The following CCDC38 variants were observed in gnomAD, a reference collection of about 807,000 sequenced individuals.
CCDC38 encodes coiled-coil domain containing 38.
A neutral mutation model predicts 72.8 loss-of-function variants in CCDC38; 69 were observed. The ratio of observed to expected loss-of-function variants is 0.95; its 90% confidence interval spans 0.78 to 1.16. The LOEUF (loss-of-function observed/expected upper bound fraction) is 1.16. Among genes scored for constraint, CCDC38 ranks in the 50% most tolerant of loss-of-function variants. The pLI is 0.00. For missense variants in CCDC38, 626 were observed against 638.9 expected (o/e 0.98, Z 0.22); for synonymous variants, 201 against 213.2 (o/e 0.94, Z 0.50).
At chr12:95,898,759 A>G in intron 5 of CCDC38, 28 bp from the exon 6 acceptor site, 1 of 1,599,808 alleles carries the variant, frequency 6.3e-7, no homozygotes, top group Non-Finnish European at 8.5e-7. Flanking sequence ...AGAGGTGTAA[A>G]AACATGATTC....
At chr12:95,878,177 A>G in intron 13 of CCDC38, 34 bp downstream of exon 13, 1 of 1,608,494 alleles carries the variant, frequency 6.2e-7, no homozygotes, top group Non-Finnish European at 8.5e-7. Flanking sequence ...ATCATGAGCC[A>G]AAATGAAATC....
At chr12:95,887,275 G>A (rs2079770541) in intron 10 of CCDC38, among the ~76,000 whole-genome samples, 2 of 151,936 alleles carry the variant, frequency 1.3e-5, no homozygotes, top group South Asian at 4.1e-4. Flanking sequence ...CCAGAGAAGT[G>A]AAAATTATGT....
intron 10 of CCDC38, among the ~76,000 whole-genome samples, chr12:95,885,974 C>A (rs1346921784): frequency 1.3e-5 from 2 of 152,104 alleles, no homozygotes; most frequent in African/African-American, 4.8e-5. Context: ...GATATTTACA[C>A]CTTTTAATGA....
intron 13 of CCDC38, among the ~76,000 whole-genome samples, chr12:95,875,959 G>T (rs981029975): frequency 6.6e-6 from 1 of 152,140 alleles, no homozygotes; most frequent in Admixed American, 6.5e-5. Context: ...GCAGGGAGGA[G>T]GGGAGATATC....
chr12:95,886,653 A>G (rs941379101), intron 10 of CCDC38, among the ~76,000 whole-genome samples: 1 of 152,224 alleles, frequency 6.6e-6, no homozygotes, highest in African/African-American at 2.4e-5. Flanking sequence ...AGTGAGCAAA[A>G]GACATGAATA....
chr12:95,908,138 C>G (rs561013043), intron 4 of CCDC38, among the ~76,000 whole-genome samples: 7,058 of 151,824 alleles, frequency 0.046, 238 homozygotes, highest in Admixed American at 0.074. Flanking sequence ...TGTAGGGAGC[C>G]GAGATCACGC....
chr12:95,908,452 A>G (rs1272035255), intron 4 of CCDC38, among the ~76,000 whole-genome samples: 7 of 218 alleles, frequency 0.032, no homozygotes, highest in Non-Finnish European at 0.042. Context: ...AAAGAGGGAG[A>G]GGGAGAGGGA....
chr12:95,933,224 A>C (rs1264791440), intron 2 of CCDC38: 2 of 152,216 alleles, frequency 1.3e-5, no homozygotes, highest in Non-Finnish European at 2.9e-5. Flanking sequence ...GACTTTGTTC[A>C]TCAAAAGACG....
intron 4 of CCDC38, among the ~76,000 whole-genome samples, chr12:95,910,597 C>T (rs184985206): frequency 3.0e-4 from 46 of 152,338 alleles, no homozygotes; most frequent in East Asian, 9.6e-4. Context: ...CATGGTGGCT[C>T]ATGCCTGTAA....
At chr12:95,923,733 C>T (rs1284914243) in intron 2 of CCDC38, among the ~76,000 whole-genome samples, 1 of 151,824 alleles carries the variant, frequency 6.6e-6, no homozygotes, top group Non-Finnish European at 1.5e-5. Context: ...TGATGTTCCC[C>T]TTCCTGTGTC....
At chr12:95,898,251 T>C in intron 7 of CCDC38, 134 bp downstream of exon 7, 1 of 874,458 alleles carries the variant, frequency 1.1e-6, no homozygotes, top group Non-Finnish European at 1.9e-6. Flanking sequence ...AGGTTACTTA[T>C]TTTTTAAAAT....
At position 95,898,462 on chromosome 12, in the gene CCDC38, T is replaced by C; in HGVS notation, c.537A>G (p.Ala179=). 6.2e-7 allele frequency: 1 copy of C among 1,614,162 alleles called. No individual in the cohort carries two copies. Among genetic ancestry groups the C allele is most frequent in the Non-Finnish European group, 8.5e-7 (1 of 1,180,020 alleles). The change falls in exon 7 of 16, where the codon GCA becomes GCG. Residue 179 remains alanine, a synonymous_variant. Transcript: ENST00000344280. ...GGAGTTTGTTTATTGTTTCCTGTGCTGCCCTGAAAAGCAATGAAGATCTGT... is the reference window on the plus strand; with the variant it reads ...GGAGTTTGTTTATTGTTTCCTGTGCCGCCCTGAAAAGCAATGAAGATCTGT... ...DQRSVDALKM[A]AQETINKLQM... is the part of the protein sequence containing the mutation.
intron 7 of CCDC38, among the ~76,000 whole-genome samples, chr12:95,896,941 T>C (rs552261048): frequency 9.8e-5 from 15 of 152,368 alleles, no homozygotes; most frequent in Non-Finnish European, 1.3e-4. Context: ...GCTGCTACTC[T>C]AGCTCTAGAA....
intron 1 of CCDC38, 130 bp from the exon 2 acceptor site, chr12:95,936,653 T>C: frequency 1.7e-6 from 1 of 587,004 alleles, no homozygotes; most frequent in Non-Finnish European, 2.9e-6. Context: ...CACATACTCT[T>C]TGACCCAGCA....
intron 4 of CCDC38, among the ~76,000 whole-genome samples, chr12:95,907,572 G>T (rs2080023008): frequency 7.4e-6 from 1 of 135,692 alleles, no homozygotes. Flanking sequence ...GGCTGGCCAG[G>T]CGGGGGACTG....
At chr12:95,927,027 G>C (rs1202253496) in intron 2 of CCDC38, among the ~76,000 whole-genome samples, 1 of 152,096 alleles carries the variant, frequency 6.6e-6, no homozygotes, top group Admixed American at 6.6e-5. Context: ...TGTTGATTTG[G>C]GATGGAGAGT....
chr12:95,917,163 C>T lies in CCDC38; in HGVS notation c.270G>A (p.Gly90=), dbSNP rs573196162. ...ATCTAGGAATCGGAGCAGGACCTGGCCCAAACTTTTCAAATGACCTACCAC... is the reference window on the plus strand; with the variant it reads ...ATCTAGGAATCGGAGCAGGACCTGGTCCAAACTTTTCAAATGACCTACCAC... ...KRSGRSFEKF[G]PGPAPIPRLI... Residue 90 remains glycine, a synonymous_variant, in exon 4 of 16, where the codon GGG becomes GGA. Coordinates refer to ENST00000344280, the MANE Select transcript of CCDC38 (RefSeq NM_182496.3). 53 of 1,601,468 alleles carry T rather than the reference C, an allele frequency of 3.3e-5. No individual in the cohort carries two copies. In the East Asian group the frequency reaches 1.1e-3, roughly 32 times the overall value.
chr12:95,892,463 T>C (rs1156717777), intron 8 of CCDC38, among the ~76,000 whole-genome samples: 2 of 151,684 alleles, frequency 1.3e-5, no homozygotes, highest in African/African-American at 2.4e-5. Context: ...TTTAAATTTT[T>C]TGTAGAGACT....
At chr12:95,936,606 T>A in intron 1 of CCDC38, 83 bp from the exon 2 acceptor site, 1 of 1,054,746 alleles carries the variant, frequency 9.5e-7, no homozygotes, top group Non-Finnish European at 1.4e-6. Flanking sequence ...CAATGACTCC[T>A]TAACAGTCCT....
Sources: allele counts gnomAD v4.1 joint callset (sites outside exome capture counted in the v4.1 genomes callset), GRCh38; gene constraint gnomAD v4.1.1; transcripts MANE v1.5; gene names NCBI Gene and HGNC (gene_info 2026-07-23, HGNC 2026-07-21).